METTL15: variants seen among roughly 807,000 people sequenced by gnomAD.
METTL15 encodes 12S rRNA N(4)-cytidine methyltransferase METTL15.
A neutral mutation model predicts 38.3 loss-of-function variants in METTL15; 34 were observed. The observed-to-expected ratio is 0.89, with a 90% CI of 0.68 to 1.18. METTL15 has a LOEUF of 1.18. Among genes scored for constraint, METTL15 ranks in the 50% most tolerant of loss-of-function variants. The pLI, the probability that METTL15 is intolerant of heterozygous loss-of-function variation, is 0.00. For missense variants in METTL15, 438 were observed against 498.4 expected, an observed-to-expected ratio of 0.88 and a Z score of 1.15; for synonymous variants, 162 against 170.9, an observed-to-expected ratio of 0.95 and a Z score of 0.41.
rs1197500081 is a variant in METTL15 at position 28,339,484 on chromosome 11, T to G, written c.*190-12606T>G. Among the ~76,000 whole-genome samples, 3 of 151,304 alleles carry G rather than the reference T, an allele frequency of 2.0e-5. No homozygotes were observed. The East Asian group carries it at 5.8e-4, about 29-fold the overall frequency. Reference sequence around the variant, plus strand: ...CTAAAAATCATCAACTAAAAGATATTTCAGAAGGAAATATCTAGAGTAAAG... The same window carrying G: ...CTAAAAATCATCAACTAAAAGATATGTCAGAAGGAAATATCTAGAGTAAAG... On this transcript the variant is annotated intron_variant and NMD_transcript_variant, in intron 3 of 7. Coordinates refer to the METTL15 transcript ENST00000532947.
intron 6 of METTL15, among the ~76,000 whole-genome samples, chr11:28,450,195 G>A (rs948231077): frequency 5.3e-5 from 8 of 152,150 alleles, no homozygotes; most frequent in South Asian, 2.1e-4. Context: ...GGACTAAGCC[G>A]ACGGAGGTCT....
intron 4 of METTL15, among the ~76,000 whole-genome samples, chr11:28,236,978 G>A (rs1051825413): frequency 6.6e-6 from 1 of 152,088 alleles, no homozygotes; most frequent in Non-Finnish European, 1.5e-5. Flanking sequence ...TCAGCTGTTA[G>A]TCTGATGGGT....
chr11:28,329,581 G>C (rs1849747929), intron 6 of METTL15, among the ~76,000 whole-genome samples: 1 of 152,082 alleles, frequency 6.6e-6, no homozygotes, highest in Admixed American at 6.6e-5. Context: ...CAGTAATTAA[G>C]TCTTCCAATC....
At chr11:28,383,646 A>G (rs924410582) in intron 5 of METTL15, among the ~76,000 whole-genome samples, 1 of 151,986 alleles carries the variant, frequency 6.6e-6, no homozygotes, top group Non-Finnish European at 1.5e-5. Context: ...TGACTTTTTA[A>G]TAGTAGCCAT....
chr11:28,213,658 CTTTTTTT>C (rs34361912), intron 4 of METTL15, among the ~76,000 whole-genome samples: 1 of 131,954 alleles, frequency 7.6e-6, no homozygotes, highest in Non-Finnish European at 1.6e-5. Context: ...GCCTTTTTTT[CTTTTTTT>C]TTTTTTTTGA....
chr11:28,266,662 G>C (rs1271231817), intron 4 of METTL15, among the ~76,000 whole-genome samples: 4 of 151,986 alleles, frequency 2.6e-5, no homozygotes, highest in African/African-American at 9.7e-5. Flanking sequence ...TATATTATTA[G>C]GACATAGACT....
intron 3 of METTL15, among the ~76,000 whole-genome samples, chr11:28,189,359 C>CAATTATATATATATATAAAA (rs1851617772): frequency 6.6e-6 from 1 of 151,086 alleles, no homozygotes; most frequent in Non-Finnish European, 1.5e-5. Flanking sequence ...TGGAACAAAG[C>CAATTATATATATATATAAAA]CTACAGAATG....
chr11:28,153,046 A>G (rs1481760067), intron 3 of METTL15, among the ~76,000 whole-genome samples: 1 of 151,994 alleles, frequency 6.6e-6, no homozygotes, highest in African/African-American at 2.4e-5. Flanking sequence ...TTAGCATATA[A>G]TGTGCAGTGA....
intron 3 of METTL15, chr11:28,163,442 T>C: frequency 2.5e-6 from 1 of 398,234 alleles, no homozygotes; most frequent in Middle Eastern, 6.3e-4. Context: ...CGGTTCCAAA[T>C]TTTTCCTCTT....
chr11:28,320,468 G>A (rs1418680735), intron 6 of METTL15, among the ~76,000 whole-genome samples: 1 of 151,970 alleles, frequency 6.6e-6, no homozygotes, highest in Admixed American at 6.6e-5. Context: ...GCTAAGATGG[G>A]AGGATCACTT....
At chr11:28,271,614 A>C (rs963915338) in intron 4 of METTL15, among the ~76,000 whole-genome samples, 6 of 152,168 alleles carry the variant, frequency 3.9e-5, no homozygotes, top group Admixed American at 1.3e-4. Context: ...TGGATGCTAA[A>C]ACTAAATCAA....
At chr11:28,288,351 G>A (rs1298032416) in intron 4 of METTL15, among the ~76,000 whole-genome samples, 4 of 152,100 alleles carry the variant, frequency 2.6e-5, no homozygotes, top group African/African-American at 9.7e-5. Flanking sequence ...GTATTGTAAA[G>A]ACACATGTGC....
chr11:28,372,714 AC>A (rs1318622682), intron 5 of METTL15, among the ~76,000 whole-genome samples: 1 of 150,126 alleles, frequency 6.7e-6, no homozygotes, highest in African/African-American at 2.5e-5. Flanking sequence ...GGTGTGCTGC[AC>A]CCACTAACTA....
intron 3 of METTL15, among the ~76,000 whole-genome samples, chr11:28,131,880 T>A (rs1236101167): frequency 1.3e-5 from 2 of 152,222 alleles, no homozygotes; most frequent in African/African-American, 4.8e-5. Flanking sequence ...CTTGTTGAGC[T>A]ATTTAGTTGT....
At chr11:28,328,133 T>C (rs765677408) in intron 6 of METTL15, 36 of 1,611,756 alleles carry the variant, frequency 2.2e-5, no homozygotes, top group Non-Finnish European at 3.1e-5. Context: ...CCAAACTCTT[T>C]ATTAGGAAAA....
At chr11:28,267,094 AG>A (rs1855453284) in intron 4 of METTL15, among the ~76,000 whole-genome samples, 2 of 143,344 alleles carry the variant, frequency 1.4e-5, no homozygotes, top group South Asian at 4.6e-4. Flanking sequence ...CAGGAGGCAG[AG>A]GTTGCAGTGA....
intron 6 of METTL15, among the ~76,000 whole-genome samples, chr11:28,494,869 T>C (rs1851523933): frequency 6.6e-6 from 1 of 152,304 alleles, no homozygotes; most frequent in South Asian, 2.1e-4. Context: ...TAAGCCTATT[T>C]CCCTTATAAA....
At chr11:28,258,773 G>A (rs1855077335) in intron 4 of METTL15, among the ~76,000 whole-genome samples, 1 of 152,124 alleles carries the variant, frequency 6.6e-6, no homozygotes, top group African/African-American at 2.4e-5. Context: ...CTTGAGGGCA[G>A]TGGACTCCCC....
intron 5 of METTL15, among the ~76,000 whole-genome samples, chr11:28,392,873 A>T (rs947822643): frequency 1.3e-5 from 2 of 152,188 alleles, no homozygotes; most frequent in Non-Finnish European, 2.9e-5. Flanking sequence ...CAAAGAAGAT[A>T]TACAAATGGC....
Sources: gnomAD v4.1 joint callset for allele counts (sites outside exome capture counted in the v4.1 genomes callset) on GRCh38, gnomAD v4.1.1 for gene constraint, MANE v1.5 for transcripts, NCBI Gene and HGNC (gene_info 2026-07-23, HGNC 2026-07-21) for gene names.